COL28A1: variants seen among roughly 807,000 people sequenced by gnomAD.
COL28A1 encodes the protein collagen type XXVIII alpha 1 chain.
A neutral mutation model predicts 150.2 loss-of-function variants in COL28A1; 161 were observed. That is an observed-to-expected ratio of 1.07 (90% confidence interval 0.94 to 1.22). The LOEUF (loss-of-function observed/expected upper bound fraction) is 1.22. COL28A1 is among the 50% of genes most tolerant of loss of function. COL28A1 has a pLI of 0.00. For missense variants in COL28A1, 1,617 were observed against 1,388.3 expected, an observed-to-expected ratio of 1.16 and a Z score of -2.62; for synonymous variants, 552 against 469.7, an observed-to-expected ratio of 1.18 and a Z score of -2.26.
intron 13 of COL28A1, among the ~76,000 whole-genome samples, chr7:7,478,596 C>A (rs1789118797): frequency 6.6e-6 from 1 of 152,234 alleles, no homozygotes; most frequent in Admixed American, 6.5e-5. Flanking sequence ...GGAGCAGGGG[C>A]CGTGCTCCTT....
intron 27 of COL28A1, among the ~76,000 whole-genome samples, chr7:7,403,963 T>C (rs1277112497): frequency 1.3e-5 from 2 of 152,232 alleles, no homozygotes; most frequent in African/African-American, 4.8e-5. Flanking sequence ...GACTTTTGAA[T>C]GCCATTTGTA....
chr7:7,338,531 C>T, the COL28A1 span, among the ~76,000 whole-genome samples: 2 of 151,990 alleles, frequency 1.3e-5, no homozygotes, highest in East Asian at 3.9e-4. Flanking sequence ...CTGATTTTTA[C>T]ACATTTATTT....
intron 1 of COL28A1, among the ~76,000 whole-genome samples, chr7:7,534,937 C>CTAGAAACAAATCTAGAGAG (rs1224214246): frequency 1.3e-5 from 2 of 152,140 alleles, no homozygotes; most frequent in Non-Finnish European, 2.9e-5. Context: ...ATTTGTTTCT[C>CTAGAAACAAATCTAGAGAG]TAGCTTGTTA....
Position 7,502,823 on chromosome 7 carries a change from G to C in COL28A1, c.1026+3191C>G, listed in dbSNP as rs920173303. On this transcript the variant is annotated intron_variant, in intron 11 of 34. Transcript: ENST00000399429. ...CGCCATTCTCCTGCCTCAGCCTCCCGAGTAGCTGGGACTACAGGCGCCCGC... is the reference window on the plus strand; with the variant it reads ...CGCCATTCTCCTGCCTCAGCCTCCCCAGTAGCTGGGACTACAGGCGCCCGC... Among the ~76,000 whole-genome samples, 6 of 90,310 alleles carry C rather than the reference G, an allele frequency of 6.6e-5. 1 individual carries two copies. Among genetic ancestry groups the C allele is most frequent in the Non-Finnish European group, 3.8e-5 (2 of 52,890 alleles). The allele number at this position is 90,310 out of a possible 152,430, so 59.2% of individuals were successfully genotyped here.
intron 22 of COL28A1, 59 bp from the exon 23 acceptor site, chr7:7,436,522 A>G (rs1333942392): frequency 4.5e-6 from 4 of 894,628 alleles, no homozygotes; most frequent in African/African-American, 1.6e-5. Flanking sequence ...ACAAGCACAC[A>G]TAGCAAAAAA....
intron 11 of COL28A1, among the ~76,000 whole-genome samples, chr7:7,491,980 ATTCACACG>A (rs1327426988): frequency 7.2e-5 from 11 of 152,202 alleles, no homozygotes; most frequent in African/African-American, 2.4e-4. Flanking sequence ...AGTTTTTTAC[ATTCACACG>A]TGTACCTTTA....
chr7:7,401,755 C>G (rs1291744322), intron 27 of COL28A1, among the ~76,000 whole-genome samples: 1 of 152,128 alleles, frequency 6.6e-6, no homozygotes, highest in Non-Finnish European at 1.5e-5. Context: ...TTGTCACATA[C>G]TGCCACAGAA....
chr7:7,362,837 G>A (rs1246917326), intron 33 of COL28A1, among the ~76,000 whole-genome samples: 1 of 152,070 alleles, frequency 6.6e-6, no homozygotes, highest in African/African-American at 2.4e-5. Context: ...TAAAGCTAGA[G>A]GAAAACTTTC....
intron 13 of COL28A1, among the ~76,000 whole-genome samples, chr7:7,484,257 G>C (rs57991705): frequency 0.018 from 2,667 of 152,086 alleles, 65 homozygotes; most frequent in African/African-American, 0.061. Context: ...TAAAGACATG[G>C]AAACAGAAAC....
chr7:7,506,142 C>T (rs1780797242), intron 10 of COL28A1, 75 bp from the exon 11 acceptor site: 22 of 840,224 alleles, frequency 2.6e-5, no homozygotes, highest in South Asian at 2.6e-4. Flanking sequence ...TTTAGGGTCC[C>T]TAGAGATCCT....
the COL28A1 span, among the ~76,000 whole-genome samples, chr7:7,343,220 G>A: frequency 5.3e-5 from 8 of 151,672 alleles, no homozygotes; most frequent in African/African-American, 1.9e-4. Flanking sequence ...GATTCACTGG[G>A]ATTCTTGAAC....
chr7:7,518,289 C>T (rs769942121), intron 6 of COL28A1, among the ~76,000 whole-genome samples: 1 of 152,020 alleles, frequency 6.6e-6, no homozygotes, highest in East Asian at 1.9e-4. Flanking sequence ...TGTGAACTTA[C>T]ATTTATAATG....
intron 11 of COL28A1, among the ~76,000 whole-genome samples, chr7:7,491,292 C>G (rs370314810): frequency 3.9e-5 from 6 of 152,296 alleles, no homozygotes; most frequent in African/African-American, 1.4e-4. Context: ...TCAATTCTGA[C>G]AAACGAGATG....
chr7:7,506,496 T>A (rs184931786), intron 10 of COL28A1, among the ~76,000 whole-genome samples: 103 of 152,350 alleles, frequency 6.8e-4, no homozygotes, highest in African/African-American at 2.1e-3. Context: ...AAGTTAGTGG[T>A]TAACTAGATG....
chr7:7,478,109 T>A, intron 13 of COL28A1, among the ~76,000 whole-genome samples: 1 of 151,962 alleles, frequency 6.6e-6, no homozygotes, highest in Non-Finnish European at 1.5e-5. Context: ...ATCCCTTAGC[T>A]AGACATAAAG....
chr7:7,480,585 A>T (rs1789308187), intron 13 of COL28A1, among the ~76,000 whole-genome samples: 1 of 151,892 alleles, frequency 6.6e-6, no homozygotes, highest in South Asian at 2.1e-4. Context: ...AAACACTGAC[A>T]AATTATTTTT....
intron 11 of COL28A1, among the ~76,000 whole-genome samples, chr7:7,500,348 G>A (rs1013685709): frequency 3.3e-5 from 5 of 152,140 alleles, no homozygotes; most frequent in East Asian, 1.9e-4. Flanking sequence ...GTTGCTTCAT[G>A]TAACTGTGTG....
chr7:7,444,325 G>T (rs1452308584), intron 19 of COL28A1, 93 bp downstream of exon 19: 40 of 1,552,576 alleles, frequency 2.6e-5, no homozygotes, highest in Non-Finnish European at 3.4e-5. Context: ...AACTAAGTTT[G>T]TCCTGAATGG....
In COL28A1 at chr7:7,381,384, T is replaced by C. The variant is rs192813720; in HGVS notation, c.2205+160A>G. On this transcript the variant is annotated intron_variant, in intron 28 of 34. Transcript: ENST00000399429. The stretch of plus-strand genomic sequence containing the variant: ...TTTATAAAGTGAACCTATTTATAGG[T>C]AGACAAAGCAATGCACGAGGATTTT... Among the ~76,000 whole-genome samples, 73 of 152,340 alleles carry C rather than the reference T, an allele frequency of 4.8e-4. No homozygotes were observed. In the East Asian group the frequency reaches 0.013, roughly 27 times the overall value.
Sources: allele counts gnomAD v4.1 joint callset (sites outside exome capture counted in the v4.1 genomes callset), GRCh38; gene constraint gnomAD v4.1.1; transcripts MANE v1.5; gene names NCBI Gene and HGNC (gene_info 2026-07-23, HGNC 2026-07-21).